TOGARAM1: variants seen among roughly 807,000 people sequenced by gnomAD.
TOGARAM1 encodes the protein TOG array regulator of axonemal microtubules 1.
In TOGARAM1, 100 loss-of-function variants were observed where a neutral mutation model predicts 166.6. The observed-to-expected ratio is 0.60, with a 90% CI of 0.51 to 0.71. TOGARAM1 has a LOEUF of 0.71. Ranked by LOEUF, TOGARAM1 falls within the 30% of genes least tolerant of loss-of-function variation. The pLI is 0.00. For missense variants in TOGARAM1, 2,029 were observed against 2,102.7 expected (o/e 0.96, Z 0.69); for synonymous variants, 758 against 763.8 (o/e 0.99, Z 0.13).
At chr14:45,043,633 G>T (rs1186571841) in intron 11 of TOGARAM1, 53 bp from the exon 12 acceptor site, 2 of 963,780 alleles carry the variant, frequency 2.1e-6, no homozygotes, top group Non-Finnish European at 3.4e-6. Flanking sequence ...TTGTGATCCT[G>T]TTCCAGTTGA....
At chr14:44,975,002 G>A (rs1886102284) in intron 1 of TOGARAM1, among the ~76,000 whole-genome samples, 1 of 152,144 alleles carries the variant, frequency 6.6e-6, no homozygotes, top group South Asian at 2.1e-4. Flanking sequence ...TTTGATGAGT[G>A]TAATTTTATG....
chr14:44,967,854 A>T (rs1262308993), intron 1 of TOGARAM1, among the ~76,000 whole-genome samples: 1 of 152,188 alleles, frequency 6.6e-6, no homozygotes. Context: ...TTTTTTGGAA[A>T]TAATTTTCAG....
chr14:45,066,604 C>G lies in TOGARAM1; in HGVS notation c.4586C>G (p.Thr1529Ser). Residue 1529 changes from threonine (T) to serine (S), a missense_variant, in exon 17 of 20, where the codon ACC (threonine) becomes AGC (serine). Around this residue, in one of 2 missense-constraint regions of TOGARAM1, gnomAD observed 576 missense variants for 670.5 expected, o/e 0.86. Transcript: ENST00000361462. ...GCTGTAACTGAAGTTCGTGAAGTCACCAGAAAATCAGTCCCTCGTAATTCC... is the reference window on the plus strand; with the variant it reads ...GCTGTAACTGAAGTTCGTGAAGTCAGCAGAAAATCAGTCCCTCGTAATTCC... ...ERAVTEVREV[T>S]RKSVPRNSLE... 2 of 1,609,200 alleles carry G rather than the reference C, an allele frequency of 1.2e-6. No homozygotes were observed. Among genetic ancestry groups the G allele is most frequent in the Non-Finnish European group, 1.7e-6 (2 of 1,176,650 alleles).
Position 44,995,835 on chromosome 14 carries a change from A to C in TOGARAM1, c.2136A>C (p.Arg712Ser), listed in dbSNP as rs772187577. Residue 712 changes from arginine to serine, a missense_variant, in exon 2 of 20, where the codon AGA becomes AGC. By Grantham distance (110) the Arg-to-Ser change is moderately radical (BLOSUM62 -1). This residue lies in a region of TOGARAM1 where 1,453 missense variants were observed against 1,432.2 expected (regional missense o/e 1.01). Transcript: ENST00000361462. ...VNDDLCFSRK[R>S]VSRNLFQNSR... ...ATGATTTATGTTTTAGCAGAAAAAG[A>C]GTATCAAGAAACTTATTTCAGAATA... is the stretch of plus-strand genomic sequence containing the variant. The C allele has an allele frequency of 1.2e-5, 20 of 1,610,092 alleles. No individual in the cohort carries two copies. Among genetic ancestry groups the C allele is most frequent in the Non-Finnish European group, 1.7e-5 (20 of 1,178,722 alleles).
chr14:44,984,866 C>T (rs963519457), intron 1 of TOGARAM1, among the ~76,000 whole-genome samples: 1 of 152,050 alleles, frequency 6.6e-6, no homozygotes, highest in Non-Finnish European at 1.5e-5. Flanking sequence ...CAAAGCATAT[C>T]GATTACCTTG....
At chr14:45,012,719 T>G (rs1879882384) in intron 7 of TOGARAM1, among the ~76,000 whole-genome samples, 1 of 152,188 alleles carries the variant, frequency 6.6e-6, no homozygotes, top group Admixed American at 6.5e-5. Context: ...TAGTTTCACA[T>G]GATCTAATGT....
At chr14:45,071,248 T>C (rs1467394616) in intron 18 of TOGARAM1, among the ~76,000 whole-genome samples, 1 of 151,692 alleles carries the variant, frequency 6.6e-6, no homozygotes, top group Non-Finnish European at 1.5e-5. Flanking sequence ...TAAAACTATG[T>C]TATCGTTTGA....
chr14:44,965,675 T>C (rs772478616), intron 1 of TOGARAM1, among the ~76,000 whole-genome samples: 5 of 152,170 alleles, frequency 3.3e-5, no homozygotes, highest in Admixed American at 6.5e-5. Context: ...TTAATTTTAC[T>C]GTTTGGATAA....
chr14:44,968,641 C>A (rs947629481), intron 1 of TOGARAM1, among the ~76,000 whole-genome samples: 4 of 152,176 alleles, frequency 2.6e-5, no homozygotes, highest in African/African-American at 9.7e-5. Context: ...ACAAGAACAA[C>A]CTGACCCACC....
At chr14:45,054,040 T>C (rs1440158468) in intron 15 of TOGARAM1, among the ~76,000 whole-genome samples, 1 of 151,940 alleles carries the variant, frequency 6.6e-6, no homozygotes, top group African/African-American at 2.4e-5. Context: ...CCAGCTAGTT[T>C]TTGTGCTTTT....
chr14:45,027,498 G>A, intron 9 of TOGARAM1, 24 bp downstream of exon 9: 1 of 1,563,690 alleles, frequency 6.4e-7, no homozygotes, highest in Non-Finnish European at 8.7e-7. Flanking sequence ...CTAATTATTA[G>A]AATAAATTTA....
At position 44,964,177 on chromosome 14, in the gene TOGARAM1, T is replaced by C; in HGVS notation, c.1756T>C (p.Phe586Leu). The C allele has an allele frequency of 6.2e-7, 1 of 1,614,106 alleles. No homozygotes were observed. Among genetic ancestry groups the C allele is most frequent in the Middle Eastern group, 1.6e-4 (1 of 6,062 alleles). Residue 586 changes from phenylalanine (F) to leucine (L), a missense_variant, in exon 1 of 20, where the codon TTT (phenylalanine) becomes CTT (leucine). This residue lies in a region of TOGARAM1 where 1,453 missense variants were observed against 1,432.2 expected (regional missense o/e 1.01). Coordinates refer to ENST00000361462, the MANE Select transcript of TOGARAM1 (RefSeq NM_001308120.2). Reference sequence around the variant, plus strand: ...CTTACCAAGGCTCACAGAGCAGGGATTTGTGGAATATGCAGTACTGATGCC... The same window carrying C: ...CTTACCAAGGCTCACAGAGCAGGGACTTGTGGAATATGCAGTACTGATGCC... ...KTLPRLTEQG[F>L]VEYAVLMPSS...
At chr14:45,041,686 G>A (rs1029782349) in intron 11 of TOGARAM1, among the ~76,000 whole-genome samples, 3 of 152,116 alleles carry the variant, frequency 2.0e-5, no homozygotes, top group Admixed American at 6.5e-5. Flanking sequence ...TATACTTCTC[G>A]CTCAGTGTTC....
At chr14:44,987,303 A>T (rs1886873835) in intron 1 of TOGARAM1, among the ~76,000 whole-genome samples, 1 of 152,168 alleles carries the variant, frequency 6.6e-6, no homozygotes, top group African/African-American at 2.4e-5. Flanking sequence ...AGAAACTACT[A>T]TCAGAGTGAA....
intron 14 of TOGARAM1, among the ~76,000 whole-genome samples, chr14:45,047,093 G>T (rs10132454): frequency 0.046 from 7,052 of 152,110 alleles, 526 homozygotes; most frequent in African/African-American, 0.16. Context: ...AGGTACACAT[G>T]AAAAATACAG....
chr14:45,072,276 T>C (rs1295603461), intron 19 of TOGARAM1, among the ~76,000 whole-genome samples: 2 of 152,198 alleles, frequency 1.3e-5, no homozygotes, highest in African/African-American at 4.8e-5. Flanking sequence ...CTATGACTTA[T>C]CTTGAGTTAT....
intron 15 of TOGARAM1, among the ~76,000 whole-genome samples, chr14:45,053,306 G>T (rs1882472346): frequency 6.6e-6 from 1 of 152,120 alleles, no homozygotes; most frequent in South Asian, 2.1e-4. Context: ...CTCCCAAAGT[G>T]CTGGGATTAC....
chr14:45,065,844 A>G (rs1883116298), intron 16 of TOGARAM1, among the ~76,000 whole-genome samples: 1 of 152,204 alleles, frequency 6.6e-6, no homozygotes, highest in Non-Finnish European at 1.5e-5. Context: ...GGTTCAAGGT[A>G]ATTTATCTAG....
chr14:45,032,236 T>C lies in TOGARAM1; in HGVS notation c.3672T>C (p.Thr1224=). The part of the protein sequence containing the change: ...EKMASESETP[T]GAISQYKERM... Reference sequence around the variant, plus strand: ...ATTTTGTTTTAGGTGAAACACCTACTGGAGCTATTTCACAGTATAAAGAAA... The same window carrying C: ...ATTTTGTTTTAGGTGAAACACCTACCGGAGCTATTTCACAGTATAAAGAAA... The change falls in exon 11 of 20, where the codon ACT becomes ACC. Residue 1224 remains threonine, a synonymous_variant. Coordinates refer to ENST00000361462, the MANE Select transcript of TOGARAM1 (RefSeq NM_001308120.2). The C allele has an allele frequency of 6.2e-7, 1 of 1,609,606 alleles. No homozygotes were observed. Among genetic ancestry groups the C allele is most frequent in the Non-Finnish European group, 8.5e-7 (1 of 1,178,818 alleles).
Sources: gnomAD v4.1 joint callset for allele counts (sites outside exome capture counted in the v4.1 genomes callset) on GRCh38, gnomAD v4.1.1 for gene constraint, gnomAD v4.1.1 regional missense constraint, MANE v1.5 for transcripts, NCBI Gene and HGNC (gene_info 2026-07-23, HGNC 2026-07-21) for gene names.